MIB1: variants seen among roughly 807,000 people sequenced by gnomAD.
The protein encoded by MIB1 is E3 ubiquitin-protein ligase MIB1.
A neutral mutation model predicts 124.5 loss-of-function variants in MIB1; 278 were observed. That is an observed-to-expected ratio of 2.23 (90% CI 2.02 to 2.47). MIB1 has a LOEUF of 2.47. Among genes scored for constraint, MIB1 ranks in the 30% most tolerant of loss-of-function variants. The pLI is 0.00. For synonymous variants in MIB1, 446 were observed against 429.4 expected (o/e 1.04, Z -0.48); for missense variants, 957 against 1,254.4 (o/e 0.76, Z 3.58).
chr18:21,753,237 G>A lies in MIB1; in HGVS notation c.229+11425G>A, dbSNP rs1469318798. ...GAGTTTTGCTCTTGTTGCCCAGTCT[G>A]TAGTGCAGTGGCATGATCTCGGCTC... is the stretch of plus-strand genomic sequence containing the variant. On this transcript the variant is annotated intron_variant, in intron 1 of 20. Coordinates refer to ENST00000261537, the MANE Select transcript of MIB1 (RefSeq NM_020774.4). Among the ~76,000 whole-genome samples, 3 of 152,184 alleles carry A rather than the reference G, an allele frequency of 2.0e-5. No individual in the cohort carries two copies. In the East Asian group the frequency reaches 5.8e-4, roughly 29 times the overall value.
chr18:21,720,676 C>T (rs1055811755), intron 1 of MIB1, among the ~76,000 whole-genome samples: 19 of 152,028 alleles, frequency 1.2e-4, no homozygotes, highest in East Asian at 1.9e-4. Flanking sequence ...AAGCCTGGCA[C>T]GGTGGCTTAT....
At chr18:21,837,272 G>T (rs1598635688) in intron 12 of MIB1, among the ~76,000 whole-genome samples, 1 of 152,336 alleles carries the variant, frequency 6.6e-6, no homozygotes, top group East Asian at 1.9e-4. Flanking sequence ...ACTTTAGGAG[G>T]CCGAGGCGGG....
At chr18:21,859,867 C>T (rs1451213908) in intron 20 of MIB1, among the ~76,000 whole-genome samples, 4 of 110,286 alleles carry the variant, frequency 3.6e-5, no homozygotes, top group African/African-American at 3.7e-5. Context: ...CCAGCCTGGG[C>T]GACAGAGTGA....
intron 6 of MIB1, among the ~76,000 whole-genome samples, chr18:21,789,941 G>A (rs531106487): frequency 1.3e-5 from 2 of 152,254 alleles, no homozygotes; most frequent in South Asian, 4.2e-4. Context: ...GTTCAGTGTG[G>A]AATTAGGGTA....
At chr18:21,832,057 G>C (rs1301657615) in intron 12 of MIB1, among the ~76,000 whole-genome samples, 4 of 152,184 alleles carry the variant, frequency 2.6e-5, no homozygotes, top group Admixed American at 6.5e-5. Context: ...GGTAAGACCT[G>C]TATATTGGTG....
intron 6 of MIB1, among the ~76,000 whole-genome samples, chr18:21,788,186 T>C (rs942517982): frequency 6.6e-6 from 1 of 152,240 alleles, no homozygotes; most frequent in African/African-American, 2.4e-5. Context: ...CACTTTAGTA[T>C]GTTTATAGTA....
At chr18:21,787,498 T>A (rs1265069298) in intron 6 of MIB1, among the ~76,000 whole-genome samples, 2 of 152,180 alleles carry the variant, frequency 1.3e-5, no homozygotes, top group African/African-American at 4.8e-5. Context: ...GAGGCAGGAA[T>A]GATTTTCCTG....
At chr18:21,775,020 A>G (rs1433281220) in intron 4 of MIB1, among the ~76,000 whole-genome samples, 1 of 151,652 alleles carries the variant, frequency 6.6e-6, no homozygotes, top group African/African-American at 2.4e-5. Context: ...ATCTTGGCTC[A>G]CTGCTAGCTC....
intron 17 of MIB1, among the ~76,000 whole-genome samples, chr18:21,850,844 G>C (rs888335093): frequency 1.3e-5 from 2 of 152,100 alleles, no homozygotes; most frequent in Non-Finnish European, 2.9e-5. Context: ...TACAAAAGAA[G>C]AACAAAAATT....
At chr18:21,755,772 C>CT (rs1173084775) in intron 1 of MIB1, among the ~76,000 whole-genome samples, 1 of 152,074 alleles carries the variant, frequency 6.6e-6, no homozygotes, top group Admixed American at 6.6e-5. Context: ...ATATTTATTA[C>CT]TTTTTTAAAA....
At chr18:21,776,095 C>T (rs1463939133) in intron 4 of MIB1, among the ~76,000 whole-genome samples, 1 of 152,024 alleles carries the variant, frequency 6.6e-6, no homozygotes, top group Non-Finnish European at 1.5e-5. Context: ...GGCAAAACCA[C>T]ATCTCTACAA....
At chr18:21,719,366 TAA>T (rs1395157536) in intron 1 of MIB1, among the ~76,000 whole-genome samples, 4 of 152,064 alleles carry the variant, frequency 2.6e-5, no homozygotes, top group African/African-American at 9.7e-5. Flanking sequence ...TGAAATCATA[TAA>T]GTCGGTAATT....
intron 11 of MIB1, among the ~76,000 whole-genome samples, chr18:21,817,154 CTTTTTT>C (rs1040673828): frequency 3.7e-3 from 279 of 75,004 alleles, no homozygotes; most frequent in African/African-American, 0.014. Context: ...GTTAGGAATT[CTTTTTT>C]TTTTTTTTTT....
Position 21,803,527 on chromosome 18 carries a change from T to C in MIB1, c.1372-380T>C, listed in dbSNP as rs529057757. ...ATTTATTTATCCCTAGCAGCTAATATCTTTTCTAAAAGTTTTCTTTTCACT... is the reference window on the plus strand; with the variant it reads ...ATTTATTTATCCCTAGCAGCTAATACCTTTTCTAAAAGTTTTCTTTTCACT... On this transcript the variant is annotated intron_variant, in intron 9 of 20. Transcript: ENST00000261537. Among the ~76,000 whole-genome samples, 5 of 152,356 alleles carry C rather than the reference T, an allele frequency of 3.3e-5. No homozygotes were observed. In the South Asian group the frequency reaches 1.0e-3, roughly 32 times the overall value.
intron 1 of MIB1, among the ~76,000 whole-genome samples, chr18:21,718,619 AGCGAATTAT>A (rs2040700422): frequency 6.6e-6 from 1 of 152,184 alleles, no homozygotes; most frequent in Admixed American, 6.5e-5. Flanking sequence ...AAAATCTGAG[AGCGAATTAT>A]GCATTGTTGT....
intron 12 of MIB1, chr18:21,827,114 GC>G (rs1445423536): frequency 6.6e-6 from 1 of 152,072 alleles, no homozygotes; most frequent in Admixed American, 6.6e-5. Flanking sequence ...AAATAGTACA[GC>G]ATTTGATAAT....
chr18:21,811,433 A>AGCATTCGTT (rs2041772294), intron 10 of MIB1, among the ~76,000 whole-genome samples: 1 of 152,210 alleles, frequency 6.6e-6, no homozygotes, highest in Non-Finnish European at 1.5e-5. Context: ...TTTTAGCAGC[A>AGCATTCGTT]GCATTCGTAA....
At chr18:21,770,697 A>G (rs1392383372) in intron 3 of MIB1, among the ~76,000 whole-genome samples, 1 of 152,136 alleles carries the variant, frequency 6.6e-6, no homozygotes, top group Non-Finnish European at 1.5e-5. Flanking sequence ...ATGATTAAGT[A>G]TACTAGATCA....
chr18:21,863,247 G>C (rs573151559), intron 20 of MIB1, among the ~76,000 whole-genome samples: 12 of 152,342 alleles, frequency 7.9e-5, no homozygotes, highest in Non-Finnish European at 1.6e-4. Flanking sequence ...CACGGACAGC[G>C]GTGTGTTATC....
Sources: gnomAD v4.1 joint callset for allele counts (sites outside exome capture counted in the v4.1 genomes callset) on GRCh38, gnomAD v4.1.1 for gene constraint, MANE v1.5 for transcripts, NCBI Gene and HGNC (gene_info 2026-07-23, HGNC 2026-07-21) for gene names.